The following PATJ variants were observed in gnomAD, a reference collection of about 807,000 sequenced individuals.
The protein encoded by PATJ is PATJ crumbs cell polarity complex component, also known as inaD-like protein.
Under a neutral mutation model 224.9 loss-of-function variants are expected in PATJ, and 190 were observed. The ratio of observed to expected loss-of-function variants is 0.84; its 90% confidence interval spans 0.75 to 0.95. PATJ has a LOEUF of 0.95. PATJ is among the 40% of genes least tolerant of loss of function. PATJ has a pLI of 0.00. For synonymous variants in PATJ, 769 were observed against 820.3 expected, an observed-to-expected ratio of 0.94 and a Z score of 1.07; for missense variants, 2,121 against 2,270.3, an observed-to-expected ratio of 0.93 and a Z score of 1.34.
chr1:61,789,715 G>C (rs1356556532), intron 8 of PATJ, among the ~76,000 whole-genome samples: 1 of 152,108 alleles, frequency 6.6e-6, no homozygotes, highest in East Asian at 1.9e-4. Context: ...AGGAGGCTGA[G>C]ACAGGAGAAT....
In PATJ at chr1:62,163,065, GCT is replaced by G. The variant is rs1420955995; in HGVS notation, c.*2014_*2015del. 1 of 197,792 alleles carries G rather than the reference GCT, an allele frequency of 5.1e-6. No individual in the cohort carries two copies. The highest frequency in any genetic ancestry group is 1.1e-5 in the Non-Finnish European group (1 of 92,846). 12.3% of individuals were successfully genotyped at this position (197,792 alleles called of 1,614,324 possible). On this transcript the variant is annotated 3_prime_UTR_variant, in exon 44 of 44. Transcript: ENST00000642238. ...CACAGTAATTATCAAAATTTAATGG[GCT>G]CTAATTTAAAATGTTATTTAATAAG...
chr1:62,037,486 C>T (rs1650654452), intron 29 of PATJ, among the ~76,000 whole-genome samples: 1 of 152,148 alleles, frequency 6.6e-6, no homozygotes, highest in Non-Finnish European at 1.5e-5. Flanking sequence ...TCCTCATACT[C>T]CACCTTGCAG....
intron 41 of PATJ, among the ~76,000 whole-genome samples, chr1:62,136,377 G>A (rs762416225): frequency 3.3e-5 from 5 of 151,748 alleles, no homozygotes; most frequent in African/African-American, 1.2e-4. Context: ...ATATATTCTG[G>A]TGTCACTAAA....
At chr1:61,816,986 A>T (rs1656235305) in intron 14 of PATJ, among the ~76,000 whole-genome samples, 1 of 152,184 alleles carries the variant, frequency 6.6e-6, no homozygotes, top group African/African-American at 2.4e-5. Flanking sequence ...CTCCGTAGAG[A>T]ATTATTATTC....
intron 6 of PATJ, among the ~76,000 whole-genome samples, chr1:61,773,937 G>A (rs1472126612): frequency 6.6e-6 from 1 of 151,736 alleles, no homozygotes; most frequent in Non-Finnish European, 1.5e-5. Context: ...TGGCTAACAC[G>A]GTGAAACCCC....
intron 11 of PATJ, among the ~76,000 whole-genome samples, chr1:61,799,491 G>C (rs558327767): frequency 6.6e-6 from 1 of 152,066 alleles, no homozygotes; most frequent in East Asian, 1.9e-4. Context: ...CACCACGCCT[G>C]GCACAAATGC....
chr1:62,123,099 G>T (rs552191300), intron 39 of PATJ, 41 bp downstream of exon 39: 1 of 1,448,974 alleles, frequency 6.9e-7, no homozygotes, highest in Non-Finnish European at 9.6e-7. Flanking sequence ...TCTGGTTTGT[G>T]TTGGATTTGC....
At chr1:62,142,979 G>A (rs998067121) in intron 41 of PATJ, among the ~76,000 whole-genome samples, 3 of 152,188 alleles carry the variant, frequency 2.0e-5, no homozygotes, top group Admixed American at 1.3e-4. Flanking sequence ...ACTGGCTAAC[G>A]TGTGGGAATG....
At chr1:61,806,793 A>G (rs896572717) in intron 13 of PATJ, among the ~76,000 whole-genome samples, 1 of 152,168 alleles carries the variant, frequency 6.6e-6, no homozygotes, top group African/African-American at 2.4e-5. Flanking sequence ...TTTGGTATTC[A>G]AATAAATTTG....
chr1:61,845,703 G>A (rs78020031), intron 17 of PATJ, among the ~76,000 whole-genome samples: 1 of 152,148 alleles, frequency 6.6e-6, no homozygotes, highest in Non-Finnish European at 1.5e-5. Context: ...ACCTTTCAAG[G>A]ATTAAAAAGA....
intron 27 of PATJ, among the ~76,000 whole-genome samples, chr1:61,946,145 C>G (rs1678666045): frequency 6.6e-6 from 1 of 152,092 alleles, no homozygotes; most frequent in Admixed American, 6.5e-5. Context: ...CCTAACATCA[C>G]AATGAAAAGA....
At chr1:61,974,456 A>G (rs1277224916) in intron 27 of PATJ, among the ~76,000 whole-genome samples, 1 of 128,406 alleles carries the variant, frequency 7.8e-6, no homozygotes, top group African/African-American at 3.2e-5. Context: ...TCTTGTTGCC[A>G]AGGCTAGAGT....
chr1:61,775,109 T>G, intron 6 of PATJ, 97 bp from the exon 7 acceptor site: 1 of 1,249,154 alleles, frequency 8.0e-7, no homozygotes, highest in Non-Finnish European at 1.1e-6. Context: ...ATGTTCAATT[T>G]GTTGCAAATC....
intron 14 of PATJ, among the ~76,000 whole-genome samples, chr1:61,822,065 AC>A (rs2148718388): frequency 6.6e-6 from 1 of 152,354 alleles, no homozygotes; most frequent in South Asian, 2.1e-4. Flanking sequence ...ATGGAAAAGG[AC>A]ATCTTAAATG....
intron 20 of PATJ, among the ~76,000 whole-genome samples, chr1:61,869,333 C>G (rs929676104): frequency 6.6e-6 from 1 of 151,962 alleles, no homozygotes; most frequent in African/African-American, 2.4e-5. Context: ...GTCTCGATCT[C>G]CTGACCTCGT....
intron 21 of PATJ, among the ~76,000 whole-genome samples, chr1:61,883,863 GTT>G (rs67157531): frequency 0.86 from 125,639 of 145,510 alleles, 54,146 homozygotes; most frequent in East Asian, 1. Flanking sequence ...TTCTGTGGAG[GTT>G]TTTTTTTTTT....
chr1:61,790,928 G>A (rs1051107016), intron 8 of PATJ, among the ~76,000 whole-genome samples: 1 of 152,156 alleles, frequency 6.6e-6, no homozygotes, highest in African/African-American at 2.4e-5. Flanking sequence ...GCAGATTCTT[G>A]TTCCTTGCAA....
At chr1:62,116,730 G>T in intron 36 of PATJ, 51 bp downstream of exon 36, 5 of 1,552,778 alleles carry the variant, frequency 3.2e-6, no homozygotes, top group Non-Finnish European at 4.4e-6. Context: ...AAGTCCAGTG[G>T]GAACTGTTCC....
At chr1:62,083,119 G>C (rs936682370) in intron 32 of PATJ, among the ~76,000 whole-genome samples, 1 of 152,054 alleles carries the variant, frequency 6.6e-6, no homozygotes, top group Admixed American at 6.6e-5. Flanking sequence ...ATGTTTTGAG[G>C]TTTCGTTGTT....
Sources: gnomAD v4.1 joint callset for allele counts (sites outside exome capture counted in the v4.1 genomes callset) on GRCh38, gnomAD v4.1.1 for gene constraint, MANE v1.5 for transcripts, NCBI Gene and HGNC (gene_info 2026-07-23, HGNC 2026-07-21) for gene names.